Variants in MAPKAP1 observed in about 807,000 individuals in gnomAD.
MAPKAP1 encodes target of rapamycin complex 2 subunit MAPKAP1.
Under a neutral mutation model 65.7 loss-of-function variants are expected in MAPKAP1, and 20 were observed. The ratio of observed to expected loss-of-function variants is 0.30; its 90% CI spans 0.21 to 0.44. The LOEUF (loss-of-function observed/expected upper bound fraction) is 0.44. Among genes scored for constraint, MAPKAP1 ranks in the 20% least tolerant of loss-of-function variants. The pLI is 1.00. For synonymous variants in MAPKAP1, 222 were observed against 244.3 expected, an observed-to-expected ratio of 0.91 and a Z score of 0.85; for missense variants, 423 against 648.0, an observed-to-expected ratio of 0.65 and a Z score of 3.77.
chr9:125,588,893 A>G (rs573207566), intron 4 of MAPKAP1, among the ~76,000 whole-genome samples: 5 of 152,318 alleles, frequency 3.3e-5, no homozygotes, highest in African/African-American at 1.2e-4. Context: ...CCTGCTCATC[A>G]GACTTCGGCT....
At chr9:125,444,311 G>A (rs949399626) in intron 11 of MAPKAP1, among the ~76,000 whole-genome samples, 190 bp downstream of exon 11, 3 of 152,234 alleles carry the variant, frequency 2.0e-5, no homozygotes, top group Non-Finnish European at 4.4e-5. Flanking sequence ...CTGAGCGGGG[G>A]CTGGTGTGGC....
At chr9:125,517,359 C>G (rs192449754) in intron 7 of MAPKAP1, among the ~76,000 whole-genome samples, 33 of 152,218 alleles carry the variant, frequency 2.2e-4, no homozygotes. Flanking sequence ...CACATGAACA[C>G]CAGCTGCTTG....
chr9:125,500,520 A>G (rs1828944356), intron 8 of MAPKAP1, among the ~76,000 whole-genome samples: 1 of 152,200 alleles, frequency 6.6e-6, no homozygotes, highest in Non-Finnish European at 1.5e-5. Context: ...AAAGGGAGGA[A>G]TACAAATGTG....
chr9:125,578,312 C>G (rs1831512184), intron 5 of MAPKAP1, among the ~76,000 whole-genome samples: 1 of 151,860 alleles, frequency 6.6e-6, no homozygotes. Context: ...GCAGGGTCCT[C>G]TGCCTAGGAA....
intron 7 of MAPKAP1, among the ~76,000 whole-genome samples, chr9:125,514,586 T>C (rs1829405736): frequency 6.6e-6 from 1 of 152,198 alleles, no homozygotes; most frequent in Non-Finnish European, 1.5e-5. Flanking sequence ...GTCTCTAATC[T>C]TAAATGCTGC....
chr9:125,690,382 C>T (rs555698238), intron 1 of MAPKAP1, among the ~76,000 whole-genome samples: 14 of 152,298 alleles, frequency 9.2e-5, no homozygotes, highest in Admixed American at 7.8e-4. Context: ...GTGGAGGAAG[C>T]CAAGGGAATG....
At chr9:125,687,239 T>C (rs1835011167) in intron 1 of MAPKAP1, among the ~76,000 whole-genome samples, 1 of 151,850 alleles carries the variant, frequency 6.6e-6, no homozygotes. Context: ...AAACTAATAT[T>C]AACAGAAAAT....
intron 1 of MAPKAP1, among the ~76,000 whole-genome samples, chr9:125,694,148 G>A (rs1835315360): frequency 6.6e-6 from 1 of 152,028 alleles, no homozygotes; most frequent in African/African-American, 2.4e-5. Flanking sequence ...GGCCAACATG[G>A]TGAAACTCCA....
At chr9:125,481,823 T>G (rs1854327291) in intron 9 of MAPKAP1, among the ~76,000 whole-genome samples, 1 of 152,078 alleles carries the variant, frequency 6.6e-6, no homozygotes, top group Non-Finnish European at 1.5e-5. Context: ...TTGAGTGGCA[T>G]TCTTACTTTC....
At chr9:125,535,459 C>G (rs980244596) in intron 7 of MAPKAP1, among the ~76,000 whole-genome samples, 1 of 152,030 alleles carries the variant, frequency 6.6e-6, no homozygotes, top group African/African-American at 2.4e-5. Flanking sequence ...CAGCATGGCA[C>G]AGAGCAGACA....
At chr9:125,565,442 CTTA>C (rs1257188748) in intron 5 of MAPKAP1, 3 of 177,502 alleles carry the variant, frequency 1.7e-5, no homozygotes, top group African/African-American at 4.8e-5. Flanking sequence ...TAGATGAATG[CTTA>C]TTGTTTTTTT....
chr9:125,684,855 G>C (rs1181670595), intron 1 of MAPKAP1, among the ~76,000 whole-genome samples: 3 of 152,078 alleles, frequency 2.0e-5, no homozygotes, highest in Non-Finnish European at 4.4e-5. Flanking sequence ...CTAATTTTTT[G>C]CAGAGACAAG....
At chr9:125,536,451 GTC>G (rs1168335250) in intron 7 of MAPKAP1, among the ~76,000 whole-genome samples, 13 of 152,158 alleles carry the variant, frequency 8.5e-5, no homozygotes, top group Admixed American at 6.5e-4. Flanking sequence ...AGAGTGTCAG[GTC>G]TCTGTTTCCT....
rs140318139 is a variant in MAPKAP1 at position 125,653,547 on chromosome 9, G to T, written c.498+4104C>A. Among the ~76,000 whole-genome samples the T allele has an allele frequency of 3.4e-4, 52 of 152,316 alleles. No individual in the cohort carries two copies. The East Asian group carries it at 9.8e-3, about 29-fold the overall frequency. On this transcript the variant is annotated intron_variant, in intron 4 of 11. Transcript: ENST00000265960. ...GTGACCTGCTTAGGGGAGAAGGGCA[G>T]GGGAAGATCAGAGTTCTTCCTGCCA... is the stretch of plus-strand genomic sequence containing the variant.
At chr9:125,468,284 G>A (rs1853758716) in intron 9 of MAPKAP1, among the ~76,000 whole-genome samples, 175 bp from the exon 10 acceptor site, 1 of 152,188 alleles carries the variant, frequency 6.6e-6, no homozygotes, top group Non-Finnish European at 1.5e-5. Flanking sequence ...CACTCCAAAT[G>A]GCACACACAA....
intron 4 of MAPKAP1, among the ~76,000 whole-genome samples, chr9:125,649,445 T>C (rs1465399538): frequency 6.6e-6 from 1 of 152,096 alleles, no homozygotes; most frequent in Non-Finnish European, 1.5e-5. Flanking sequence ...AATTACCCTA[T>C]CGTTTTCTCC....
chr9:125,491,784 C>A (rs779432992), intron 8 of MAPKAP1, among the ~76,000 whole-genome samples: 11 of 149,666 alleles, frequency 7.3e-5, no homozygotes, highest in Non-Finnish European at 8.9e-5. Flanking sequence ...TCAAAAAAAA[C>A]CAAAAAAACA....
chr9:125,644,506 C>T (rs948242528), intron 4 of MAPKAP1, among the ~76,000 whole-genome samples: 1 of 152,190 alleles, frequency 6.6e-6, no homozygotes, highest in African/African-American at 2.4e-5. Flanking sequence ...AATGTAATAT[C>T]GAAGTCACAC....
intron 7 of MAPKAP1, among the ~76,000 whole-genome samples, chr9:125,521,186 T>C (rs948904798): frequency 3.9e-5 from 6 of 152,210 alleles, no homozygotes; most frequent in Admixed American, 3.9e-4. Flanking sequence ...GCGCAGACCC[T>C]TCACTACCAT....
Sources: allele counts gnomAD v4.1 joint callset (sites outside exome capture counted in the v4.1 genomes callset), GRCh38; gene constraint gnomAD v4.1.1; transcripts MANE v1.5; gene names NCBI Gene and HGNC (gene_info 2026-07-23, HGNC 2026-07-21).